Variants in KAZN observed in about 807,000 individuals in gnomAD.
KAZN encodes the protein kazrin, periplakin interacting protein.
In KAZN, 40 loss-of-function variants were observed where a neutral mutation model predicts 87.4. That is an observed-to-expected ratio of 0.46 (90% confidence interval 0.36 to 0.60). The LOEUF (loss-of-function observed/expected upper bound fraction) is 0.60. Ranked by LOEUF, KAZN falls within the 20% of genes least tolerant of loss-of-function variation. The pLI is 0.00. For synonymous variants in KAZN, 466 were observed against 458.3 expected (o/e 1.02, Z -0.22); for missense variants, 898 against 1,073.9 (o/e 0.84, Z 2.29).
intron 1 of KAZN, among the ~76,000 whole-genome samples, chr1:13,997,987 GTC>G (rs1639606302): frequency 6.6e-6 from 1 of 152,118 alleles, no homozygotes; most frequent in Non-Finnish European, 1.5e-5. Flanking sequence ...GAAAGGCCAG[GTC>G]ACCGACAAAG....
intron 1 of KAZN, among the ~76,000 whole-genome samples, chr1:13,925,787 G>A (rs148479669): frequency 6.6e-6 from 1 of 152,248 alleles, no homozygotes; most frequent in African/African-American, 2.4e-5. Flanking sequence ...CAGAGGCAGA[G>A]AGTCCAGGTT....
intron 1 of KAZN, among the ~76,000 whole-genome samples, chr1:14,640,008 G>T (rs1680301083): frequency 6.6e-6 from 1 of 152,198 alleles, no homozygotes; most frequent in Non-Finnish European, 1.5e-5. Context: ...CTAGGTGGTT[G>T]TGGAGAGGGA....
intron 2 of KAZN, among the ~76,000 whole-genome samples, chr1:14,546,684 G>C (rs546103037): frequency 6.6e-6 from 1 of 152,180 alleles, no homozygotes; most frequent in South Asian, 2.1e-4. Context: ...TATCACTCTT[G>C]TTGCTTTAAA....
At chr1:14,668,436 C>CA in intron 1 of KAZN, among the ~76,000 whole-genome samples, 1 of 152,092 alleles carries the variant, frequency 6.6e-6, no homozygotes, top group African/African-American at 2.4e-5. Flanking sequence ...TCTAAAGGCA[C>CA]AAAGAGACCT....
At chr1:14,002,440 G>A (rs1424552285) in intron 1 of KAZN, among the ~76,000 whole-genome samples, 1 of 152,210 alleles carries the variant, frequency 6.6e-6, no homozygotes, top group Non-Finnish European at 1.5e-5. Context: ...GGGTTTATCA[G>A]GGGCTTTTGC....
chr1:14,225,749 G>A (rs1262627167), intron 2 of KAZN, among the ~76,000 whole-genome samples: 1 of 152,068 alleles, frequency 6.6e-6, no homozygotes, highest in Admixed American at 6.6e-5. Flanking sequence ...ATAATAACGA[G>A]CAATGGGGAA....
upstream of KAZN, among the ~76,000 whole-genome samples, chr1:14,594,465 C>T (rs1676370471): frequency 6.6e-6 from 1 of 152,176 alleles, no homozygotes; most frequent in Non-Finnish European, 1.5e-5. Context: ...CTGGTGACCA[C>T]ATATGAGCCG....
At chr1:15,053,153 G>A (rs1442388932) in intron 4 of KAZN, among the ~76,000 whole-genome samples, 1 of 152,226 alleles carries the variant, frequency 6.6e-6, no homozygotes. Flanking sequence ...AGATGGACTG[G>A]GCAGGTGGAA....
chr1:14,441,570 T>C (rs151180695), intron 2 of KAZN, among the ~76,000 whole-genome samples: 191 of 152,362 alleles, frequency 1.3e-3, no homozygotes, highest in African/African-American at 4.4e-3. Context: ...CAGTGACTTA[T>C]GCTGTTCTCA....
At chr1:14,722,712 C>T (rs1420306391) in intron 1 of KAZN, among the ~76,000 whole-genome samples, 3 of 152,148 alleles carry the variant, frequency 2.0e-5, no homozygotes, top group Non-Finnish European at 4.4e-5. Context: ...TGAATGCCCT[C>T]GTGGCCTATG....
At chr1:14,405,606 A>ATATG (rs760881462) in intron 2 of KAZN, among the ~76,000 whole-genome samples, 3,284 of 136,312 alleles carry the variant, frequency 0.024, 59 homozygotes, top group Admixed American at 0.06. Flanking sequence ...ACCCAATAAA[A>ATATG]TGTGTGTGTG....
intron 1 of KAZN, among the ~76,000 whole-genome samples, chr1:14,024,891 C>A (rs549380162): frequency 3.7e-4 from 56 of 152,284 alleles, no homozygotes; most frequent in African/African-American, 1.3e-3. Context: ...TAATAACATC[C>A]CCAGCTGACA....
At chr1:14,400,423 G>A (rs1330818901) in intron 2 of KAZN, among the ~76,000 whole-genome samples, 1 of 152,142 alleles carries the variant, frequency 6.6e-6, no homozygotes, top group African/African-American at 2.4e-5. Flanking sequence ...CATTCCTTGG[G>A]AGGTGCTTTC....
At chr1:14,275,033 A>G (rs1290191572) in intron 2 of KAZN, among the ~76,000 whole-genome samples, 1 of 152,170 alleles carries the variant, frequency 6.6e-6, no homozygotes, top group African/African-American at 2.4e-5. Flanking sequence ...ATTTATAAAA[A>G]TGTGACTCTA....
At chr1:13,981,201 T>C (rs1638690080) in intron 1 of KAZN, among the ~76,000 whole-genome samples, 2 of 144,372 alleles carry the variant, frequency 1.4e-5, no homozygotes, top group South Asian at 4.4e-4. Flanking sequence ...GAAAAAGGCC[T>C]AAGAAGACTG....
intron 1 of KAZN, among the ~76,000 whole-genome samples, chr1:14,859,232 C>G (rs993497126): frequency 6.3e-4 from 96 of 151,560 alleles, no homozygotes; most frequent in African/African-American, 2.3e-3. Flanking sequence ...AAAAGAACTG[C>G]AATTCTAAGT....
chr1:14,761,179 C>G (rs1297845922), intron 1 of KAZN, among the ~76,000 whole-genome samples: 1 of 152,168 alleles, frequency 6.6e-6, no homozygotes, highest in Non-Finnish European at 1.5e-5. Context: ...CTGCAGCAGG[C>G]TAGGTCTGTG....
intron 2 of KAZN, among the ~76,000 whole-genome samples, chr1:14,236,044 A>G (rs1648391737): frequency 6.6e-6 from 1 of 152,174 alleles, no homozygotes; most frequent in Non-Finnish European, 1.5e-5. Context: ...ATATCATCCT[A>G]AAAAACAACA....
At chr1:13,953,495 G>A (rs1018711317) in intron 1 of KAZN, among the ~76,000 whole-genome samples, 4 of 152,156 alleles carry the variant, frequency 2.6e-5, no homozygotes, top group African/African-American at 4.8e-5. Flanking sequence ...CCAAAATAAC[G>A]TGTTCTCAGA....
Sources: gnomAD v4.1 joint callset for allele counts (sites outside exome capture counted in the v4.1 genomes callset) on GRCh38, gnomAD v4.1.1 for gene constraint, MANE v1.5 for transcripts, NCBI Gene and HGNC (gene_info 2026-07-23, HGNC 2026-07-21) for gene names.